The following MAP3K19 variants were observed in gnomAD, a reference collection of about 807,000 sequenced individuals.
The protein encoded by MAP3K19 is SPS1/STE20-related protein kinase YSK4.
Under a neutral mutation model 114.4 loss-of-function variants are expected in MAP3K19, and 91 were observed. The ratio of observed to expected loss-of-function variants is 0.80; its 90% confidence interval spans 0.67 to 0.95. The LOEUF is 0.95. MAP3K19 is among the 40% of genes least tolerant of loss of function. The probability of loss-of-function intolerance (pLI) is 0.00; values close to 1 mark genes in which losing one functional copy is unlikely to be tolerated. For synonymous variants in MAP3K19, 518 were observed against 530.5 expected, an observed-to-expected ratio of 0.98 and a Z score of 0.32; for missense variants, 1,471 against 1,573.2, an observed-to-expected ratio of 0.94 and a Z score of 1.10.
intron 5 of MAP3K19, among the ~76,000 whole-genome samples, chr2:135,019,669 T>C (rs1687835894): frequency 1.3e-5 from 2 of 151,694 alleles, no homozygotes; most frequent in South Asian, 4.2e-4. Flanking sequence ...ATAAAAAATT[T>C]TTTGGACTTT....
chr2:134,964,910 C>G lies in MAP3K19; in HGVS notation c.3927G>C (p.Gln1309His), dbSNP rs150711518. The G allele has an allele frequency of 1.1e-4, 178 of 1,611,782 alleles. No homozygotes were observed. Among genetic ancestry groups the G allele is most frequent in the Non-Finnish European group, 1.4e-4 (163 of 1,178,740 alleles). ...GCTGGAGAGCAGAAGGTCGCTCATG[C>G]TGGTCCCTAAGAAGGGAAAAACACA... ...DFVRMCLTRD[Q>H]HERPSALQLL... Residue 1309 changes from glutamine (Q) to histidine (H), a missense_variant, in exon 13 of 13, where the codon CAG becomes CAC. Transcript: ENST00000392915.
Position 135,014,246 on chromosome 2 carries a change from T to C in MAP3K19, c.138+7469A>G, listed in dbSNP as rs1559181820. 3.3e-5 allele frequency among the ~76,000 whole-genome samples: 5 copies of C among 152,038 alleles called. 1 individual carries two copies. In the South Asian group the frequency reaches 1.0e-3, roughly 32 times the overall value. On this transcript the variant is annotated intron_variant, in intron 5 of 12. Transcript: ENST00000392915. The stretch of plus-strand genomic sequence containing the variant: ...GAGCATGCCTGTAATCCCAGCTACT[T>C]AGGAGGCTGAGGTGGGAGGTTTGCT...
At chr2:135,003,542 G>GTGTTTGTTTGTTTGTT (rs10692556) in intron 6 of MAP3K19, among the ~76,000 whole-genome samples, 2 of 151,452 alleles carry the variant, frequency 1.3e-5, no homozygotes, top group South Asian at 2.1e-4. Context: ...TGAGAAAATA[G>GTGTTTGTTTGTTTGTT]TGTTTGTTTG....
intron 8 of MAP3K19, among the ~76,000 whole-genome samples, chr2:134,996,374 A>G (rs1685995050): frequency 6.7e-6 from 1 of 149,872 alleles, no homozygotes; most frequent in African/African-American, 2.5e-5. Context: ...TTAAAAGTGC[A>G]TTTGTAATGG....
intron 4 of MAP3K19, chr2:135,023,717 C>T (rs1400871772): frequency 5.2e-6 from 2 of 386,400 alleles, no homozygotes; most frequent in African/African-American, 2.1e-5. Context: ...CACTCTCACA[C>T]CCCACCCAAG....
Position 134,986,115 on chromosome 2 carries a change from T to C in MAP3K19, c.2757A>G (p.Thr919=), listed in dbSNP as rs1685081490. 6.2e-7 allele frequency: 1 copy of C among 1,614,052 alleles called. No homozygotes were observed. The highest frequency in any genetic ancestry group is 8.5e-7 in the Non-Finnish European group (1 of 1,179,912). The change falls in exon 10 of 13, where the codon ACA becomes ACG. Residue 919 remains threonine (T), a synonymous_variant. Transcript: ENST00000392915. ...QAKQESASSQ[T]YQYWVHYLDH... is the part of the protein sequence containing the mutation. ...CCAAATAATGTACCCAATATTGATA[T>C]GTCTGGGAAGATGCACTTTCTTGTT...
rs569805456 is a variant in MAP3K19 at position 135,007,009 on chromosome 2, C to T, written c.139-1478G>A. 2.6e-5 allele frequency among the ~76,000 whole-genome samples: 4 copies of T among 151,550 alleles called. No homozygotes were observed. The East Asian group carries it at 7.8e-4, about 30-fold the overall frequency. On this transcript the variant is annotated intron_variant, in intron 5 of 12. Transcript: ENST00000392915. ...TGAAGCCCCATCTCTACAAAAAATA[C>T]AAAAATTAGCCAGGCATGGTGGCAC...
At chr2:134,989,410 G>A (rs965474109) in intron 9 of MAP3K19, among the ~76,000 whole-genome samples, 3 of 152,204 alleles carry the variant, frequency 2.0e-5, no homozygotes, top group African/African-American at 7.2e-5. Flanking sequence ...GAAGGAAATG[G>A]AACCTGACTC....
At chr2:135,025,387 T>C (rs964694470) in intron 3 of MAP3K19, among the ~76,000 whole-genome samples, 3 of 136,506 alleles carry the variant, frequency 2.2e-5, no homozygotes, top group African/African-American at 5.6e-5. Context: ...CTTTTTTTTT[T>C]TTTTTTTTTT....
Position 134,985,434 on chromosome 2 carries a change from G to C in MAP3K19, c.3072+366C>G, listed in dbSNP as rs141228035. Among the ~76,000 whole-genome samples, 1,250 of 152,288 alleles carry C rather than the reference G, an allele frequency of 8.2e-3. 8 individuals are homozygous for C. The highest frequency in any genetic ancestry group is 0.011 in the Non-Finnish European group (759 of 68,024). ...CATTTCTTTCTATCTCACATACCTA[G>C]AGCAATGTCTTGCCTATAATTATGT... On this transcript the variant is annotated intron_variant, in intron 10 of 12. Coordinates refer to ENST00000392915, the MANE Select transcript of MAP3K19 (RefSeq NM_025052.5).
In MAP3K19 at chr2:135,005,418, G is replaced by A. The variant is rs774494200; in HGVS notation, c.235+17C>T. On this transcript the variant is annotated intron_variant, in intron 6 of 12. Transcript: ENST00000392915. ...AATGTTATCTTTGTAAACACATCAA[G>A]GAGTAAAGCCCAGTACCTTCTGTCC... The A allele has an allele frequency of 6.4e-7, 1 of 1,561,032 alleles. No individual in the cohort carries two copies. Among genetic ancestry groups the A allele is most frequent in the Non-Finnish European group, 8.8e-7 (1 of 1,132,238 alleles).
chr2:135,010,607 T>C (rs1687151805), intron 5 of MAP3K19, among the ~76,000 whole-genome samples: 1 of 152,110 alleles, frequency 6.6e-6, no homozygotes. Flanking sequence ...ACGATGGAAA[T>C]CAGACGTGAT....
chr2:135,029,990 G>A (rs1688342811), intron 3 of MAP3K19, among the ~76,000 whole-genome samples: 1 of 152,198 alleles, frequency 6.6e-6, no homozygotes, highest in African/African-American at 2.4e-5. Flanking sequence ...AAATGGCAAT[G>A]ATGCCAAGGG....
chr2:135,045,726 T>A (rs911069461), intron 1 of MAP3K19, among the ~76,000 whole-genome samples: 1 of 152,094 alleles, frequency 6.6e-6, no homozygotes. Context: ...AACAAAAAAA[T>A]TTAGATTTAA....
rs141694695 is a variant in MAP3K19 at position 135,022,739 on chromosome 2, A to C, written c.23-909T>G. The stretch of plus-strand genomic sequence containing the variant: ...TGTAGAAGGGAGTGATCATGAAGTT[A>C]AATTAATAGCGATCAACAGTTATCA... On this transcript the variant is annotated intron_variant, in intron 4 of 12. Transcript: ENST00000392915. Among the ~76,000 whole-genome samples, 155 of 152,322 alleles carry C rather than the reference A, an allele frequency of 1.0e-3. 3 individuals are homozygous for C. The East Asian group carries it at 0.025, about 25-fold the overall frequency.
chr2:134,991,404 T>C, intron 9 of MAP3K19, 133 bp downstream of exon 9: 8 of 770,112 alleles, frequency 1.0e-5, no homozygotes, highest in South Asian at 1.0e-4. Flanking sequence ...TTTGACTGTG[T>C]TGGGGACATC....
At chr2:135,025,896 G>A (rs1688243041) in intron 3 of MAP3K19, among the ~76,000 whole-genome samples, 1 of 152,168 alleles carries the variant, frequency 6.6e-6, no homozygotes, top group Non-Finnish European at 1.5e-5. Context: ...CCCATTAATA[G>A]ATTACAGTGA....
At chr2:135,035,103 A>G (rs574262750) in intron 2 of MAP3K19, among the ~76,000 whole-genome samples, 69 of 151,740 alleles carry the variant, frequency 4.5e-4, no homozygotes, top group African/African-American at 1.6e-3. Context: ...CCCAAATAAG[A>G]AAAGTTACAG....
At chr2:134,995,110 A>AAG (rs1284705146) in intron 8 of MAP3K19, among the ~76,000 whole-genome samples, 1 of 152,094 alleles carries the variant, frequency 6.6e-6, no homozygotes, top group African/African-American at 2.4e-5. Flanking sequence ...CCAAGAGTTC[A>AAG]AGACCAGCCT....
Sources: gnomAD v4.1 joint callset for allele counts (sites outside exome capture counted in the v4.1 genomes callset) on GRCh38, gnomAD v4.1.1 for gene constraint, MANE v1.5 for transcripts, NCBI Gene and HGNC (gene_info 2026-07-23, HGNC 2026-07-21) for gene names.